The following HELZ variants were observed in gnomAD, a reference collection of about 807,000 sequenced individuals.
HELZ encodes ATP-dependent RNA helicase with zinc finger domain.
HELZ carries 23 observed loss-of-function variants against 218.2 expected under a neutral mutation model. The ratio of observed to expected loss-of-function variants is 0.11; its 90% CI spans 0.08 to 0.15. The LOEUF is 0.15. Ranked by LOEUF, HELZ falls within the 10% of genes least tolerant of loss-of-function variation. HELZ has a pLI of 1.00. For missense variants in HELZ, 1,813 were observed against 2,353.7 expected (o/e 0.77, Z 4.75); for synonymous variants, 814 against 829.4 (o/e 0.98, Z 0.32).
intron 15 of HELZ, among the ~76,000 whole-genome samples, chr17:67,162,099 T>TC (rs2039009576): frequency 6.6e-6 from 1 of 152,046 alleles, no homozygotes; most frequent in Admixed American, 6.5e-5. Flanking sequence ...TTTTGAAAAA[T>TC]CTTAACGCTT....
chr17:67,166,888 A>G (rs2039162251), intron 14 of HELZ, among the ~76,000 whole-genome samples: 1 of 152,204 alleles, frequency 6.6e-6, no homozygotes, highest in Admixed American at 6.5e-5. Flanking sequence ...AGAAATTGAC[A>G]TATTTGTAAG....
At chr17:67,090,781 T>C (rs995780619) in intron 31 of HELZ, among the ~76,000 whole-genome samples, 5 of 152,124 alleles carry the variant, frequency 3.3e-5, no homozygotes, top group Non-Finnish European at 7.4e-5. Context: ...TTTGTCAATC[T>C]TGCTAAAGGT....
At chr17:67,111,546 A>G (rs1224657059) in intron 28 of HELZ, among the ~76,000 whole-genome samples, 1 of 152,154 alleles carries the variant, frequency 6.6e-6, no homozygotes. Flanking sequence ...CCTGAGTTGC[A>G]GCTGGGGTAC....
At chr17:67,226,943 A>G (rs1361286597) in intron 3 of HELZ, among the ~76,000 whole-genome samples, 2 of 152,216 alleles carry the variant, frequency 1.3e-5, no homozygotes, top group African/African-American at 4.8e-5. Flanking sequence ...ATATAAAACT[A>G]TAAAAATGAA....
At chr17:67,240,562 G>A (rs544269825) in intron 2 of HELZ, among the ~76,000 whole-genome samples, 6 of 152,122 alleles carry the variant, frequency 3.9e-5, no homozygotes, top group Non-Finnish European at 7.4e-5. Context: ...TCACAACAAA[G>A]ATAATTTCTG....
At chr17:67,126,396 G>T (rs1366595209) in intron 24 of HELZ, among the ~76,000 whole-genome samples, 1 of 152,090 alleles carries the variant, frequency 6.6e-6, no homozygotes, top group Non-Finnish European at 1.5e-5. Flanking sequence ...AAAGATAGTG[G>T]CATGTCTACA....
chr17:67,181,931 CCTAA>C (rs2144245023), intron 12 of HELZ, among the ~76,000 whole-genome samples: 1 of 152,300 alleles, frequency 6.6e-6, no homozygotes, highest in East Asian at 1.9e-4. Context: ...TAATGACCCA[CCTAA>C]CTTACAGTGC....
At chr17:67,221,214 T>C (rs917215726) in intron 3 of HELZ, among the ~76,000 whole-genome samples, 2 of 152,222 alleles carry the variant, frequency 1.3e-5, no homozygotes, top group African/African-American at 4.8e-5. Context: ...TTGTAGGTTA[T>C]TGAGCAGTCA....
At chr17:67,129,315 T>C (rs1220688210) in intron 23 of HELZ, among the ~76,000 whole-genome samples, 1 of 151,924 alleles carries the variant, frequency 6.6e-6, no homozygotes, top group Non-Finnish European at 1.5e-5. Flanking sequence ...TACATACGCA[T>C]ATATACATAT....
chr17:67,212,056 G>C (rs529365973), intron 5 of HELZ, among the ~76,000 whole-genome samples: 1 of 152,018 alleles, frequency 6.6e-6, no homozygotes, highest in Admixed American at 6.6e-5. Flanking sequence ...CTGACAGTAA[G>C]AGAACAGACA....
In HELZ at chr17:67,123,151, T is replaced by C. The variant is rs754950554; in HGVS notation, c.3449A>G (p.Asn1150Ser). The part of the protein sequence containing the change: ...HFQNDGIVQP[N>S]PSVLIGNPIR... ...AGGATTGCCAATAAGTACAGAAGGA[T>C]TGGGCTGAACTGAAAAATAAACAGA... The change falls in exon 26 of 33, where the codon AAT (asparagine) becomes AGT (serine). Residue 1150 changes from asparagine (N) to serine (S), a missense_variant. Transcript: ENST00000358691. The C allele has an allele frequency of 8.7e-6, 14 of 1,609,042 alleles. No homozygotes were observed. In the South Asian group the frequency reaches 1.5e-4, roughly 18 times the overall value.
intron 31 of HELZ, among the ~76,000 whole-genome samples, chr17:67,104,154 G>A (rs1004920334): frequency 6.6e-6 from 1 of 152,106 alleles, no homozygotes; most frequent in Non-Finnish European, 1.5e-5. Context: ...ATAAAAAGGG[G>A]CCGGGTGCGG....
chr17:67,082,949 T>C (rs563227751), intron 32 of HELZ, among the ~76,000 whole-genome samples: 60 of 148,696 alleles, frequency 4.0e-4, no homozygotes, highest in African/African-American at 1.4e-3. Flanking sequence ...CACCACCTCC[T>C]GGGTTCAAGT....
chr17:67,109,833 ACAAT>A, intron 28 of HELZ, 147 bp from the exon 29 acceptor site: 1 of 547,578 alleles, frequency 1.8e-6, no homozygotes, highest in Non-Finnish European at 3.0e-6. Flanking sequence ...TTACTTTCTC[ACAAT>A]CAAATAAAGG....
rs752131912 is a variant in HELZ at position 67,086,965 on chromosome 17, C to G, written c.5358G>C (p.Glu1786Asp). 3 of 1,613,948 alleles carry G rather than the reference C, an allele frequency of 1.9e-6. No homozygotes were observed. Among genetic ancestry groups the G allele is most frequent in the South Asian group, 2.2e-5 (2 of 91,078 alleles). ...TPQDSLAQCK[E>D]LQDHSNQSSF... ...AAGATTGGTTACTGTGGTCCTGAAG[C>G]TCTTTACACTGAGCCAGACTGTCTT... Residue 1786 changes from glutamate to aspartate, a missense_variant, in exon 32 of 33, where the codon GAG (glutamate) becomes GAC (aspartate). Transcript: ENST00000358691.
intron 24 of HELZ, among the ~76,000 whole-genome samples, chr17:67,124,360 A>C (rs2037716018): frequency 6.6e-6 from 1 of 152,148 alleles, no homozygotes; most frequent in African/African-American, 2.4e-5. Context: ...TTCTCTATAC[A>C]TTTTCTAACA....
chr17:67,245,532 G>A (rs549620936), upstream of HELZ: 3 of 984,478 alleles, frequency 3.0e-6, no homozygotes, highest in African/African-American at 1.7e-5. Context: ...TTTCCTTGCC[G>A]CCCGCGGCGC....
intron 26 of HELZ, among the ~76,000 whole-genome samples, chr17:67,120,871 G>C (rs1206371716): frequency 7.9e-5 from 12 of 152,188 alleles, no homozygotes; most frequent in African/African-American, 2.9e-4. Flanking sequence ...AGAAACTGAG[G>C]GCTTAAAATT....
chr17:67,089,668 T>TATATAGAGAGAGAGAG (rs71293575), intron 31 of HELZ, among the ~76,000 whole-genome samples: 28 of 70,630 alleles, frequency 4.0e-4, no homozygotes, highest in South Asian at 1.4e-3. Context: ...TATATATATA[T>TATATAGAGAGAGAGAG]AGAGAGAGAG....
Sources: allele counts gnomAD v4.1 joint callset (sites outside exome capture counted in the v4.1 genomes callset), GRCh38; gene constraint gnomAD v4.1.1; transcripts MANE v1.5; gene names NCBI Gene and HGNC (gene_info 2026-07-23, HGNC 2026-07-21).